The following WDFY3 variants were observed in gnomAD, a reference collection of about 807,000 sequenced individuals.
WDFY3 encodes the protein WD repeat and FYVE domain containing 3, also known as WD repeat and FYVE domain-containing protein 3.
In WDFY3, 66 loss-of-function variants were observed where a neutral mutation model predicts 409.6. The ratio of observed to expected loss-of-function variants is 0.16; its 90% CI spans 0.13 to 0.20. The LOEUF (loss-of-function observed/expected upper bound fraction) is 0.20, where lower values mean the gene tolerates loss of function less well. Among genes scored for constraint, WDFY3 ranks in the 10% least tolerant of loss-of-function variants. The pLI is 1.00. For missense variants in WDFY3, 3,031 were observed against 4,298.1 expected (o/e 0.71, Z 8.24); for synonymous variants, 1,521 against 1,537.1 (o/e 0.99, Z 0.25).
chr4:84,925,821 C>A (rs1325198339), intron 2 of WDFY3, among the ~76,000 whole-genome samples: 1 of 151,888 alleles, frequency 6.6e-6, no homozygotes, highest in Non-Finnish European at 1.5e-5. Context: ...TCCAGCAGTG[C>A]CACACCCCTC....
At chr4:84,879,575 G>A (rs1763215093) in intron 3 of WDFY3, 1 of 151,614 alleles carries the variant, frequency 6.6e-6, no homozygotes, top group Admixed American at 6.6e-5. Context: ...GGTTAAGGAA[G>A]AAATGTCTTA....
In WDFY3 at chr4:84,768,411, T is replaced by C. The variant is rs555885622; in HGVS notation, c.4850-2039A>G. The stretch of plus-strand genomic sequence containing the variant: ...AAGCTCCAAAGAACAGAGCTGACTC[T>C]CTTGTTAGAGGCTAATGCAGCTGGT... On this transcript the variant is annotated intron_variant, in intron 30 of 67. Transcript: ENST00000295888. Among the ~76,000 whole-genome samples the C allele has an allele frequency of 5.8e-4, 88 of 152,310 alleles. No individual in the cohort carries two copies. In the Middle Eastern group the frequency reaches 0.01, roughly 18 times the overall value.
chr4:84,713,756 C>A (rs1209474193), intron 50 of WDFY3, among the ~76,000 whole-genome samples: 1 of 152,094 alleles, frequency 6.6e-6, no homozygotes, highest in Non-Finnish European at 1.5e-5. Flanking sequence ...TTCAGAATAG[C>A]CTTATTATTC....
intron 1 of WDFY3, among the ~76,000 whole-genome samples, chr4:84,943,748 A>T (rs1191226055): frequency 2.6e-5 from 4 of 152,174 alleles, no homozygotes; most frequent in African/African-American, 4.8e-5. Context: ...AAGGTGACAA[A>T]ATCATCATCA....
chr4:84,791,880 AATAATGGTTTC>A (rs1748600018), intron 21 of WDFY3, among the ~76,000 whole-genome samples: 1 of 152,224 alleles, frequency 6.6e-6, no homozygotes, highest in African/African-American at 2.4e-5. Context: ...CATGCTAAGA[AATAATGGTTTC>A]ATATTAATTT....
At position 84,778,652 on chromosome 4, in the gene WDFY3, G is replaced by A. The variant is rs1449220248; in HGVS notation, c.4369C>T (p.Leu1457=). ...CGTTTCTTCTTAAGCAACATTGCCA[G>A]CAACTACAAGAAAGTAATACCAAAT... The part of the protein sequence containing the change: ...EMERIKGYQL[L]AMLLKKKRSL... Residue 1457 remains leucine (L), a synonymous_variant, in exon 27 of 68, where the codon CTG becomes TTG. Transcript: ENST00000295888. The A allele has an allele frequency of 6.2e-7, 1 of 1,602,566 alleles. No homozygotes were observed. The highest frequency in any genetic ancestry group is 1.1e-5 in the South Asian group (1 of 88,476).
intron 29 of WDFY3, 49 bp from the exon 30 acceptor site, chr4:84,772,978 A>C (rs762098619): frequency 3.4e-5 from 48 of 1,430,826 alleles, no homozygotes; most frequent in Admixed American, 7.0e-5. Context: ...TCCTCTTCCC[A>C]AAACAAACAA....
chr4:84,768,828 C>T (rs184377666), intron 30 of WDFY3, among the ~76,000 whole-genome samples: 1 of 152,202 alleles, frequency 6.6e-6, no homozygotes, highest in East Asian at 1.9e-4. Flanking sequence ...CTATAGCTGC[C>T]ATAGATGGTG....
chr4:84,948,225 C>G (rs1443007363), intron 1 of WDFY3, among the ~76,000 whole-genome samples: 2 of 152,144 alleles, frequency 1.3e-5, no homozygotes, highest in African/African-American at 4.8e-5. Flanking sequence ...CATGAGAACC[C>G]TCATGCCTAA....
intron 4 of WDFY3, among the ~76,000 whole-genome samples, chr4:84,857,696 T>C (rs1401932779): frequency 6.6e-6 from 1 of 152,194 alleles, no homozygotes; most frequent in Non-Finnish European, 1.5e-5. Flanking sequence ...ATTTTAAACC[T>C]TTCCCCACCT....
intron 36 of WDFY3, among the ~76,000 whole-genome samples, chr4:84,744,852 C>CAAAAAAA (rs1165273561): frequency 1.3e-4 from 2 of 15,730 alleles, no homozygotes; most frequent in Middle Eastern, 0.025. Context: ...GACTCCGTCT[C>CAAAAAAA]AAAAAAAAAA....
At chr4:84,852,622 C>T (rs1423908568) in intron 4 of WDFY3, among the ~76,000 whole-genome samples, 1 of 152,162 alleles carries the variant, frequency 6.6e-6, no homozygotes, top group Non-Finnish European at 1.5e-5. Flanking sequence ...TTGTAATAAT[C>T]TCAAAATCTC....
At chr4:84,907,087 T>C (rs1767140248) in intron 2 of WDFY3, among the ~76,000 whole-genome samples, 1 of 152,170 alleles carries the variant, frequency 6.6e-6, no homozygotes, top group Admixed American at 6.5e-5. Context: ...TTATTTCCAT[T>C]TGGACAAAAG....
intron 3 of WDFY3, among the ~76,000 whole-genome samples, chr4:84,883,228 C>A (rs1313246394): frequency 6.6e-6 from 1 of 152,078 alleles, no homozygotes; most frequent in East Asian, 1.9e-4. Context: ...CTCTGTTGAT[C>A]ACATGTAGCC....
At chr4:84,959,109 A>G (rs1043241556) in intron 1 of WDFY3, among the ~76,000 whole-genome samples, 3 of 152,232 alleles carry the variant, frequency 2.0e-5, no homozygotes, top group East Asian at 1.9e-4. Flanking sequence ...ATATAGCGCT[A>G]TCACCCAGCA....
intron 39 of WDFY3, among the ~76,000 whole-genome samples, chr4:84,739,964 A>G (rs1409552077): frequency 1.3e-5 from 2 of 152,174 alleles, no homozygotes; most frequent in Non-Finnish European, 2.9e-5. Context: ...ACATATGGTG[A>G]TAATGGAAAA....
At position 84,707,068 on chromosome 4, in the gene WDFY3, G is replaced by A. The variant is rs142966767; in HGVS notation, c.8218-1557C>T. Among the ~76,000 whole-genome samples, 1,075 of 151,376 alleles carry A rather than the reference G, an allele frequency of 7.1e-3. 8 individuals are homozygous for A. Among genetic ancestry groups the A allele is most frequent in the African/African-American group, 0.025 (1,017 of 41,232 alleles). On this transcript the variant is annotated intron_variant, in intron 53 of 67. Transcript: ENST00000295888. ...ATCCTCCCATTTCAGCCTCCTGAGT[G>A]GCTGGGACTACAGATGCATGCCACC...
At chr4:84,858,788 G>C (rs964085408) in intron 4 of WDFY3, among the ~76,000 whole-genome samples, 1 of 151,926 alleles carries the variant, frequency 6.6e-6, no homozygotes, top group Admixed American at 6.6e-5. Context: ...CACGGGGTGA[G>C]GGGGTGGGTG....
At chr4:84,779,993 A>T in intron 26 of WDFY3, 115 bp downstream of exon 26, 1 of 1,170,096 alleles carries the variant, frequency 8.5e-7, no homozygotes, top group Non-Finnish European at 1.2e-6. Context: ...CTGTCTCTTT[A>T]AGTTTCCTTG....
Sources: allele counts gnomAD v4.1 joint callset (sites outside exome capture counted in the v4.1 genomes callset), GRCh38; gene constraint gnomAD v4.1.1; transcripts MANE v1.5; gene names NCBI Gene and HGNC (gene_info 2026-07-23, HGNC 2026-07-21).